Variants in TAFA2 observed in about 807,000 individuals in gnomAD.
TAFA2 encodes the protein chemokine-like protein TAFA-2.
TAFA2 carries 7 observed loss-of-function variants against 18.8 expected under a neutral mutation model. That is an observed-to-expected ratio of 0.37 (90% CI 0.21 to 0.70). The LOEUF is 0.70. TAFA2 is among the 30% of genes least tolerant of loss of function. The pLI is 0.53. For missense variants in TAFA2, 122 were observed against 158.1 expected (o/e 0.77, Z 1.23); for synonymous variants, 60 against 54.2 (o/e 1.11, Z -0.47).
intron 1 of TAFA2, among the ~76,000 whole-genome samples, chr12:61,928,594 G>A (rs1877411921): frequency 6.6e-6 from 1 of 152,166 alleles, no homozygotes; most frequent in Admixed American, 6.5e-5. Context: ...AACCATTGTG[G>A]AAGATAGTGT....
intron 1 of TAFA2, among the ~76,000 whole-genome samples, chr12:62,236,960 A>G (rs550335459): frequency 6.6e-6 from 1 of 152,172 alleles, no homozygotes; most frequent in Admixed American, 6.5e-5. Flanking sequence ...GTGATATGTG[A>G]CCTTCCTGTA....
chr12:62,154,667 G>T (rs1006649932), intron 1 of TAFA2, among the ~76,000 whole-genome samples: 1 of 93,042 alleles, frequency 1.1e-5, no homozygotes, highest in African/African-American at 3.6e-5. Context: ...ATTTTCACGT[G>T]CATCCGGTAT....
At chr12:62,097,359 G>C (rs999757625) in intron 1 of TAFA2, among the ~76,000 whole-genome samples, 1 of 152,132 alleles carries the variant, frequency 6.6e-6, no homozygotes, top group East Asian at 1.9e-4. Flanking sequence ...GAAAAAGCCA[G>C]AGAAAGAGTG....
intron 1 of TAFA2, among the ~76,000 whole-genome samples, chr12:61,881,684 A>C (rs60574152): frequency 0.034 from 5,215 of 152,188 alleles, 225 homozygotes; most frequent in East Asian, 0.12. Flanking sequence ...GACACATGGG[A>C]AGGAGAGCCT....
At chr12:62,241,097 A>G (rs1301471891) in intron 1 of TAFA2, among the ~76,000 whole-genome samples, 1 of 152,160 alleles carries the variant, frequency 6.6e-6, no homozygotes, top group Non-Finnish European at 1.5e-5. Flanking sequence ...CTCCTTGAGG[A>G]AGTATGTCTG....
intron 2 of TAFA2, among the ~76,000 whole-genome samples, chr12:61,820,256 G>A (rs1016448777): frequency 3.3e-5 from 5 of 150,978 alleles, no homozygotes; most frequent in Non-Finnish European, 7.4e-5. Flanking sequence ...GGGGATGGAA[G>A]GGAGAGGTAG....
chr12:61,909,766 C>A (rs946907981), intron 1 of TAFA2, among the ~76,000 whole-genome samples: 1 of 152,074 alleles, frequency 6.6e-6, no homozygotes, highest in Admixed American at 6.6e-5. Flanking sequence ...TAAGAGGCAC[C>A]ACAAACCTGT....
intron 1 of TAFA2, among the ~76,000 whole-genome samples, chr12:62,001,871 G>T (rs539733189): frequency 1.3e-5 from 2 of 152,168 alleles, no homozygotes; most frequent in Admixed American, 6.5e-5. Context: ...ATATTATGCA[G>T]CACTATAATT....
chr12:61,976,121 T>TA lies in TAFA2; in HGVS notation c.-1-108696dup, dbSNP rs1374908041. ...ACTAACCTAATCTTAGGCAAACCTT[T>TA]AAAAAAAATCACTTTTCTTTCTTCA... On this transcript the variant is annotated intron_variant, in intron 1 of 4. Coordinates refer to ENST00000416284, the MANE Select transcript of TAFA2 (RefSeq NM_178539.5). Among the ~76,000 whole-genome samples the TA allele has an allele frequency of 7.2e-5, 11 of 151,804 alleles. No individual in the cohort carries two copies. In the South Asian group the frequency reaches 8.3e-4, roughly 11 times the overall value.
At chr12:61,972,491 T>A (rs1031653585) in intron 1 of TAFA2, among the ~76,000 whole-genome samples, 1 of 151,500 alleles carries the variant, frequency 6.6e-6, no homozygotes, top group Non-Finnish European at 1.5e-5. Context: ...AATCTTCACA[T>A]CTGGAATTCA....
chr12:62,116,693 C>G (rs1169285047), intron 1 of TAFA2, among the ~76,000 whole-genome samples: 1 of 151,398 alleles, frequency 6.6e-6, no homozygotes, highest in Non-Finnish European at 1.5e-5. Context: ...CCAGCAGAAC[C>G]TAGAACGGGA....
At chr12:62,109,785 T>C (rs555808283) in intron 1 of TAFA2, among the ~76,000 whole-genome samples, 3 of 152,314 alleles carry the variant, frequency 2.0e-5, no homozygotes, top group South Asian at 4.2e-4. Context: ...TGTTTGTCTG[T>C]TAATGGTGTA....
At chr12:61,916,768 T>C (rs1044652261) in intron 1 of TAFA2, among the ~76,000 whole-genome samples, 2 of 151,952 alleles carry the variant, frequency 1.3e-5, no homozygotes, top group Admixed American at 1.3e-4. Flanking sequence ...AGATTCAAGA[T>C]AAATATCTTA....
intron 4 of TAFA2, among the ~76,000 whole-genome samples, chr12:61,738,432 A>G: frequency 6.6e-6 from 1 of 152,004 alleles, no homozygotes; most frequent in East Asian, 1.9e-4. Context: ...TCTTTGAATT[A>G]TACCACTGGA....
chr12:62,070,147 G>A (rs1197778668), intron 1 of TAFA2, among the ~76,000 whole-genome samples: 6 of 152,100 alleles, frequency 3.9e-5, no homozygotes, highest in Non-Finnish European at 5.9e-5. Context: ...CATTATTGGG[G>A]AATTTGAGGT....
At chr12:62,084,667 G>T (rs1268475691) in intron 1 of TAFA2, among the ~76,000 whole-genome samples, 1 of 152,080 alleles carries the variant, frequency 6.6e-6, no homozygotes, top group African/African-American at 2.4e-5. Context: ...AAACACTCAG[G>T]CTTAGAGGTA....
chr12:61,793,024 G>T (rs1027929170), intron 2 of TAFA2, among the ~76,000 whole-genome samples: 3 of 151,520 alleles, frequency 2.0e-5, no homozygotes, highest in African/African-American at 7.3e-5. Flanking sequence ...AATTACTCGA[G>T]TGAAATACGT....
intron 1 of TAFA2, among the ~76,000 whole-genome samples, chr12:62,249,354 T>C (rs755450384): frequency 1.3e-5 from 2 of 152,084 alleles, no homozygotes; most frequent in Admixed American, 6.6e-5. Context: ...GAATCTGATT[T>C]CCAGGCTGCA....
intron 1 of TAFA2, among the ~76,000 whole-genome samples, chr12:61,938,027 A>G (rs866184586): frequency 9.9e-5 from 15 of 152,218 alleles, no homozygotes; most frequent in Middle Eastern, 6.8e-3. Flanking sequence ...AAAATATGCA[A>G]GTGGCCAATA....
Sources: gnomAD v4.1 joint callset for allele counts (sites outside exome capture counted in the v4.1 genomes callset) on GRCh38, gnomAD v4.1.1 for gene constraint, MANE v1.5 for transcripts, NCBI Gene and HGNC (gene_info 2026-07-23, HGNC 2026-07-21) for gene names.